Variants in TMEFF1 observed in about 807,000 individuals in gnomAD.
TMEFF1 encodes the protein transmembrane protein with EGF like and two follistatin like domains 1, also known as tomoregulin-1.
In TMEFF1, 20 loss-of-function variants were observed where a neutral mutation model predicts 47.5. That is an observed-to-expected ratio of 0.42 (90% CI 0.30 to 0.61). The LOEUF (loss-of-function observed/expected upper bound fraction) is 0.61. Among genes scored for constraint, TMEFF1 ranks in the 20% least tolerant of loss-of-function variants. TMEFF1 has a pLI of 0.19. For missense variants in TMEFF1, 411 were observed against 471.1 expected, an observed-to-expected ratio of 0.87 and a Z score of 1.18; for synonymous variants, 162 against 166.3, an observed-to-expected ratio of 0.97 and a Z score of 0.20.
rs1180026403 is a variant in TMEFF1, at chr9:100,561,521, G to GT, written c.899+2dup. On this transcript the variant is annotated splice_donor_variant, in intron 8 of 9. Transcript: ENST00000374879. LOFTEE classifies it high-confidence loss of function. ...ATTCTACTCAGAAGGCTTCTTGTAG[G>GT]TAAGTCAGCGCTTCCAGATCAGTGG... 1 of 1,610,384 alleles carries GT rather than the reference G, an allele frequency of 6.2e-7. No homozygotes were observed. Among genetic ancestry groups the GT allele is most frequent in the Admixed American group, 1.7e-5 (1 of 59,418 alleles).
At chr9:100,539,126 G>C (rs1325640260) in intron 5 of TMEFF1, among the ~76,000 whole-genome samples, 1 of 152,124 alleles carries the variant, frequency 6.6e-6, no homozygotes, top group Non-Finnish European at 1.5e-5. Flanking sequence ...GGCTGGTCTT[G>C]AACTTCTGAT....
chr9:100,551,654 A>T (rs1051561382), intron 7 of TMEFF1, among the ~76,000 whole-genome samples: 2 of 152,218 alleles, frequency 1.3e-5, no homozygotes, highest in African/African-American at 4.8e-5. Context: ...TACACATAAG[A>T]ATTGATCTCT....
chr9:100,560,392 A>G (rs1838992971), intron 7 of TMEFF1, among the ~76,000 whole-genome samples: 1 of 152,154 alleles, frequency 6.6e-6, no homozygotes, highest in Non-Finnish European at 1.5e-5. Context: ...TAAGATAGAA[A>G]TGGCAGGAAG....
At chr9:100,512,451 G>A (rs1429841854) in intron 3 of TMEFF1, among the ~76,000 whole-genome samples, 1 of 152,150 alleles carries the variant, frequency 6.6e-6, no homozygotes, top group Non-Finnish European at 1.5e-5. Context: ...AGGACAATTT[G>A]GAGAGCTAGC....
chr9:100,559,243 A>G (rs1453390211), intron 7 of TMEFF1, among the ~76,000 whole-genome samples: 1 of 152,200 alleles, frequency 6.6e-6, no homozygotes, highest in Non-Finnish European at 1.5e-5. Context: ...AGCCCAAAAG[A>G]GAGCTTGATT....
intron 1 of TMEFF1, among the ~76,000 whole-genome samples, chr9:100,490,836 GGTGTGTGTGTGT>G (rs10654628): frequency 2.2e-5 from 3 of 136,088 alleles, no homozygotes; most frequent in South Asian, 2.7e-4. Context: ...TTATATGTAT[GGTGTGTGTGTGT>G]GTGTGTGTGT....
intron 5 of TMEFF1, among the ~76,000 whole-genome samples, chr9:100,533,835 C>T (rs1262477625): frequency 2.6e-5 from 4 of 152,154 alleles, no homozygotes; most frequent in Non-Finnish European, 5.9e-5. Flanking sequence ...TCTCCTGCCT[C>T]AGCCTCCCGA....
At chr9:100,531,171 G>A (rs372195199) in intron 5 of TMEFF1, among the ~76,000 whole-genome samples, 1 of 152,046 alleles carries the variant, frequency 6.6e-6, no homozygotes, top group African/African-American at 2.4e-5. Context: ...CTTTGAAAAC[G>A]GGCACAAGAC....
At chr9:100,538,246 TGGG>T (rs1838558273) in intron 5 of TMEFF1, among the ~76,000 whole-genome samples, 2 of 152,142 alleles carry the variant, frequency 1.3e-5, no homozygotes, top group African/African-American at 4.8e-5. Flanking sequence ...TTAGTAGAGA[TGGG>T]GTTTCACCAT....
At chr9:100,481,825 G>T (rs10819786) in intron 1 of TMEFF1, among the ~76,000 whole-genome samples, 1 of 151,722 alleles carries the variant, frequency 6.6e-6, no homozygotes, top group Non-Finnish European at 1.5e-5. Context: ...CTCTGTCACC[G>T]GGCTGGAGTG....
intron 4 of TMEFF1, 114 bp downstream of exon 4, chr9:100,513,447 T>G: frequency 7.5e-7 from 1 of 1,335,980 alleles, no homozygotes. Flanking sequence ...TACCATATAA[T>G]TTGCCACTTG....
intron 3 of TMEFF1, among the ~76,000 whole-genome samples, chr9:100,511,407 T>C (rs1334612382): frequency 6.6e-6 from 1 of 152,200 alleles, no homozygotes; most frequent in Non-Finnish European, 1.5e-5. Flanking sequence ...GACAAATCAC[T>C]AAGCCTCTCT....
In TMEFF1 at chr9:100,522,859, C is replaced by T. The variant is rs192283942; in HGVS notation, c.560+6088C>T. On this transcript the variant is annotated intron_variant, in intron 5 of 9. Transcript: ENST00000374879. ...ACGCCATTCTCCTGCCTCAGCCTCT[C>T]GAATAGCTGGGACCACAGGTGCCCG... 9.9e-5 allele frequency among the ~76,000 whole-genome samples: 15 copies of T among 152,254 alleles called. No individual in the cohort carries two copies. The East Asian group carries it at 1.9e-3, about 20-fold the overall frequency.
At chr9:100,566,288 A>G (rs1839124090) in intron 8 of TMEFF1, among the ~76,000 whole-genome samples, 1 of 152,166 alleles carries the variant, frequency 6.6e-6, no homozygotes, top group African/African-American at 2.4e-5. Flanking sequence ...TAATTTACAT[A>G]AATCCCAGAC....
At chr9:100,573,359 G>C (rs1587862424) in intron 9 of TMEFF1, among the ~76,000 whole-genome samples, 2 of 152,268 alleles carry the variant, frequency 1.3e-5, no homozygotes, top group African/African-American at 4.8e-5. Flanking sequence ...TTAAAATTCT[G>C]TATTATAAAT....
intron 1 of TMEFF1, among the ~76,000 whole-genome samples, chr9:100,486,655 A>G (rs1354282171): frequency 6.6e-6 from 1 of 152,004 alleles, no homozygotes; most frequent in Non-Finnish European, 1.5e-5. Context: ...TTATTTTTTG[A>G]GACAATGTCT....
chr9:100,477,806 T>C (rs1160357276), intron 1 of TMEFF1, among the ~76,000 whole-genome samples: 1 of 152,056 alleles, frequency 6.6e-6, no homozygotes, highest in African/African-American at 2.4e-5. Context: ...GTTTGTATTT[T>C]AGTAGATATG....
chr9:100,485,791 T>C (rs976030049), intron 1 of TMEFF1, among the ~76,000 whole-genome samples: 1 of 152,230 alleles, frequency 6.6e-6, no homozygotes, highest in African/African-American at 2.4e-5. Flanking sequence ...TTGGAAATTC[T>C]ATACTTAAAT....
At chr9:100,557,541 T>A (rs1418332884) in intron 7 of TMEFF1, among the ~76,000 whole-genome samples, 2 of 152,210 alleles carry the variant, frequency 1.3e-5, no homozygotes, top group African/African-American at 4.8e-5. Flanking sequence ...TTCTTGAGAA[T>A]GCCATGTGCA....
Sources: gnomAD v4.1 joint callset for allele counts (sites outside exome capture counted in the v4.1 genomes callset) on GRCh38, gnomAD v4.1.1 for gene constraint, MANE v1.5 for transcripts, NCBI Gene and HGNC (gene_info 2026-07-23, HGNC 2026-07-21) for gene names.